Variants in PCYOX1 observed in about 807,000 individuals in gnomAD.
The protein encoded by PCYOX1 is prenylcysteine lyase.
A neutral mutation model predicts 46.4 loss-of-function variants in PCYOX1; 46 were observed. That is an observed-to-expected ratio of 0.99 (90% CI 0.78 to 1.27). PCYOX1 has a LOEUF of 1.27. Among genes scored for constraint, PCYOX1 ranks in the 50% most tolerant of loss-of-function variants. PCYOX1 has a pLI of 0.00. For missense variants in PCYOX1, 658 were observed against 628.3 expected, an observed-to-expected ratio of 1.05 and a Z score of -0.51; for synonymous variants, 220 against 231.8, an observed-to-expected ratio of 0.95 and a Z score of 0.46.
At chr2:70,269,556 C>T (rs1012618561) in intron 3 of PCYOX1, among the ~76,000 whole-genome samples, 6 of 152,052 alleles carry the variant, frequency 3.9e-5, no homozygotes, top group Non-Finnish European at 5.9e-5. Flanking sequence ...AGGCTGGTCT[C>T]GAACTCCTAA....
chr2:70,266,053 T>C (rs1010887133), intron 3 of PCYOX1, among the ~76,000 whole-genome samples: 20 of 152,292 alleles, frequency 1.3e-4, no homozygotes, highest in African/African-American at 4.6e-4. Context: ...CCTCCTATTA[T>C]AGGCTGAATA....
At chr2:70,259,125 GA>G (rs1041028933) in intron 1 of PCYOX1, among the ~76,000 whole-genome samples, 3 of 151,988 alleles carry the variant, frequency 2.0e-5, no homozygotes, top group East Asian at 1.9e-4. Flanking sequence ...TGGGCATCTG[GA>G]AAAAAAATCG....
At chr2:70,271,773 A>T (rs956394186) in intron 3 of PCYOX1, among the ~76,000 whole-genome samples, 1 of 152,202 alleles carries the variant, frequency 6.6e-6, no homozygotes, top group Non-Finnish European at 1.5e-5. Context: ...ATACCTCAAA[A>T]TACCTAAAAA....
intron 5 of PCYOX1, among the ~76,000 whole-genome samples, chr2:70,276,098 T>TAAA (rs568163191): frequency 9.5e-6 from 1 of 105,448 alleles, no homozygotes; most frequent in Non-Finnish European, 1.8e-5. Context: ...AGACTCCATC[T>TAAA]AAAAAAAAAA....
At chr2:70,276,615 A>G (rs1443579849) in intron 5 of PCYOX1, 119 bp from the exon 6 acceptor site, 4 of 641,492 alleles carry the variant, frequency 6.2e-6, no homozygotes, top group Non-Finnish European at 1.1e-5. Context: ...AACTATCTTA[A>G]GGGATATAAC....
rs769229235 is a variant in PCYOX1, at chr2:70,258,161, G to A, written c.-4G>A. 4.4e-6 allele frequency: 7 copies of A among 1,590,884 alleles called. No homozygotes were observed. The highest frequency in any genetic ancestry group is 2.0e-4 in the Middle Eastern group (1 of 5,126). On this transcript the variant is annotated 5_prime_UTR_variant, in exon 1 of 6. Coordinates refer to ENST00000433351, the MANE Select transcript of PCYOX1 (RefSeq NM_016297.4). ...TGAGGCCAGCTGCAGAGCTTGTGGAGGCCATGGGGCGCGTCGTCGCGGAGC... is the reference window on the plus strand; with the variant it reads ...TGAGGCCAGCTGCAGAGCTTGTGGAAGCCATGGGGCGCGTCGTCGCGGAGC...
chr2:70,266,943 A>G (rs2104893524), intron 3 of PCYOX1, among the ~76,000 whole-genome samples: 1 of 152,296 alleles, frequency 6.6e-6, no homozygotes, highest in Middle Eastern at 3.4e-3. Flanking sequence ...CAAAACTGCC[A>G]TCGTCATCAT....
chr2:70,277,430 ACTATCAGTGGC>A lies in PCYOX1; in HGVS notation c.*39_*49del, dbSNP rs1208942871. The A allele has an allele frequency of 6.7e-7, 1 of 1,493,472 alleles. No individual in the cohort carries two copies. Among genetic ancestry groups the A allele is most frequent in the Non-Finnish European group, 9.1e-7 (1 of 1,101,534 alleles). 92.5% of individuals were successfully genotyped at this position (1,493,472 alleles called of 1,614,324 possible). A position where few individuals can be genotyped will look rare whatever the true frequency, so the allele number is the denominator to read the frequency against. On this transcript the variant is annotated 3_prime_UTR_variant, in exon 6 of 6. Transcript: ENST00000433351. Reference sequence around the variant, plus strand: ...CTTTTTCCCCTCCTAGTTCCAAATGACTATCAGTGGCAAAAAAGAACAAAATCTGAGCAGAG... The same window carrying A: ...CTTTTTCCCCTCCTAGTTCCAAATGAAAAAAAGAACAAAATCTGAGCAGAG...
chr2:70,261,451 C>A, intron 3 of PCYOX1, 65 bp downstream of exon 3: 2 of 1,109,854 alleles, frequency 1.8e-6, no homozygotes, highest in Non-Finnish European at 1.3e-6. Flanking sequence ...ACTTGATGAA[C>A]TTTAGGAATT....
intron 3 of PCYOX1, among the ~76,000 whole-genome samples, chr2:70,270,887 C>G (rs1211838307): frequency 5.9e-5 from 9 of 152,048 alleles, no homozygotes; most frequent in Non-Finnish European, 7.4e-5. Context: ...ACCACTACGC[C>G]CGGCTAATTT....
chr2:70,266,150 G>T (rs6546579), intron 3 of PCYOX1, among the ~76,000 whole-genome samples: 111,683 of 151,964 alleles, frequency 0.73, 41,884 homozygotes, highest in African/African-American at 0.87. Flanking sequence ...TAAAAGAGAC[G>T]TTGCAGATAT....
intron 3 of PCYOX1, among the ~76,000 whole-genome samples, chr2:70,265,198 A>ATTTTT (rs397871875): frequency 9.6e-6 from 1 of 104,108 alleles, no homozygotes; most frequent in Non-Finnish European, 2.0e-5. Flanking sequence ...TTCTTAACTA[A>ATTTTT]TTTTTTTTTT....
rs924369591 is a variant in PCYOX1 at position 70,279,908 on chromosome 2, TG to T, written c.*2517del. 2.6e-5 allele frequency: 4 copies of T among 152,078 alleles called. No homozygotes were observed. The highest frequency in any genetic ancestry group is 4.4e-5 in the Non-Finnish European group (3 of 68,026). The allele number at this position is 152,078 out of a possible 1,614,324, so 9.4% of individuals were successfully genotyped here. A position where few individuals can be genotyped will look rare whatever the true frequency, so the allele number is the denominator to read the frequency against. On this transcript the variant is annotated 3_prime_UTR_variant, in exon 6 of 6. Transcript: ENST00000433351. The stretch of plus-strand genomic sequence containing the variant: ...CAGCCTGGCCAACATGGTGAAACCC[TG>T]TCTTTACTAAAAATACAAAAATTAG...
intron 2 of PCYOX1, 62 bp downstream of exon 2, chr2:70,259,628 C>T: frequency 8.1e-7 from 1 of 1,240,914 alleles, no homozygotes; most frequent in Non-Finnish European, 1.2e-6. Context: ...ATATTTTTAT[C>T]AGATGGAGAA....
intron 3 of PCYOX1, among the ~76,000 whole-genome samples, chr2:70,269,997 CTT>C (rs981833676): frequency 2.6e-5 from 4 of 150,970 alleles, no homozygotes; most frequent in African/African-American, 9.7e-5. Flanking sequence ...CTCTTTTTCT[CTT>C]TCTTTCTTTC....
intron 1 of PCYOX1, 76 bp from the exon 2 acceptor site, chr2:70,259,284 T>C: frequency 1.5e-6 from 2 of 1,313,230 alleles, no homozygotes; most frequent in Non-Finnish European, 2.2e-6. Context: ...CTGCTATTGA[T>C]GGTCTTTCAA....
intron 3 of PCYOX1, among the ~76,000 whole-genome samples, chr2:70,268,605 C>T (rs952488201): frequency 1.3e-5 from 2 of 152,004 alleles, no homozygotes; most frequent in Non-Finnish European, 2.9e-5. Context: ...CGAGACCAGC[C>T]TGACCAACAT....
chr2:70,277,304 C>G lies in PCYOX1; in HGVS notation c.1430C>G (p.Ala477Gly). The change falls in exon 6 of 6, where the codon GCT becomes GGT. Residue 477 changes from alanine (A) to glycine (G), a missense_variant. Ala to Gly is a moderately conservative substitution (Grantham distance 60). Coordinates refer to ENST00000433351, the MANE Select transcript of PCYOX1 (RefSeq NM_016297.4). ...ATGAGTGCCATTGCAGCCCACAACG[C>G]TGCACTCCTTGCCTATCACCGCTGG... ...MEMSAIAAHN[A>G]ALLAYHRWNG... The G allele has an allele frequency of 3.7e-6, 6 of 1,614,136 alleles. No homozygotes were observed. The highest frequency in any genetic ancestry group is 5.1e-6 in the Non-Finnish European group (6 of 1,179,970).
intron 3 of PCYOX1, among the ~76,000 whole-genome samples, chr2:70,271,696 C>T (rs1050770556): frequency 8.6e-5 from 13 of 151,970 alleles, no homozygotes; most frequent in Non-Finnish European, 1.5e-4. Flanking sequence ...AAAACCCCAC[C>T]GTATCCAATG....
Sources: gnomAD v4.1 joint callset for allele counts (sites outside exome capture counted in the v4.1 genomes callset) on GRCh38, gnomAD v4.1.1 for gene constraint, MANE v1.5 for transcripts, NCBI Gene and HGNC (gene_info 2026-07-23, HGNC 2026-07-21) for gene names.